Variants in NEK6 observed in about 807,000 individuals in gnomAD.
The protein encoded by NEK6 is NIMA related kinase 6.
In NEK6, 27 loss-of-function variants were observed where a neutral mutation model predicts 43.5. The observed-to-expected ratio is 0.62, with a 90% CI of 0.46 to 0.86. The LOEUF (loss-of-function observed/expected upper bound fraction) is 0.86. Among genes scored for constraint, NEK6 ranks in the 40% least tolerant of loss-of-function variants. The probability of loss-of-function intolerance (pLI) is 0.00; values close to 1 mark genes in which losing one functional copy is unlikely to be tolerated. For missense variants in NEK6, 318 were observed against 414.4 expected, an observed-to-expected ratio of 0.77 and a Z score of 2.02; for synonymous variants, 167 against 164.1, an observed-to-expected ratio of 1.02 and a Z score of -0.14.
chr9:124,263,472 T>G (rs952234020), intron 1 of NEK6, among the ~76,000 whole-genome samples: 2 of 152,292 alleles, frequency 1.3e-5, no homozygotes, highest in Admixed American at 6.5e-5. Context: ...AGGGATAATA[T>G]TATGACCTCA....
chr9:124,307,970 C>A (rs1314933580), intron 2 of NEK6, among the ~76,000 whole-genome samples: 4 of 152,202 alleles, frequency 2.6e-5, no homozygotes, highest in Non-Finnish European at 5.9e-5. Flanking sequence ...CACCACTAGG[C>A]CCATTCGACA....
chr9:124,338,261 G>A (rs773547656), intron 7 of NEK6, among the ~76,000 whole-genome samples: 7 of 152,212 alleles, frequency 4.6e-5, no homozygotes, highest in Admixed American at 6.5e-5. Context: ...GTTTACAGGC[G>A]TGAGCCACCG....
intron 1 of NEK6, chr9:124,292,934 G>A (rs1370287976): frequency 1.3e-6 from 2 of 1,557,402 alleles, no homozygotes; most frequent in East Asian, 2.4e-5. Context: ...AAGGCTGCCT[G>A]GAGGAGATGC....
At position 124,352,593 on chromosome 9, in the gene NEK6, CTCA is replaced by C. The variant is rs10611237; in HGVS notation, c.*1653_*1655del. 0.56 allele frequency: 85,396 copies of C among 151,590 alleles called. 24,614 individuals carry two copies. Among genetic ancestry groups the C allele is most frequent in the East Asian group, 0.77 (3,949 of 5,146 alleles). 9.4% of individuals were successfully genotyped at this position (151,590 alleles called of 1,614,324 possible). On this transcript the variant is annotated 3_prime_UTR_variant, in exon 10 of 10. Coordinates refer to ENST00000320246, the MANE Select transcript of NEK6 (RefSeq NM_014397.6). ...TTAAGCTCCCCAAATAATTTTGAAA[CTCA>C]TCATCAGCCGAGTTTCTGCCCTCAT...
chr9:124,286,209 A>G (rs1832152424), intron 1 of NEK6, among the ~76,000 whole-genome samples: 1 of 152,198 alleles, frequency 6.6e-6, no homozygotes, highest in Non-Finnish European at 1.5e-5. Flanking sequence ...GCCTTGTTGC[A>G]ATTCTATTCA....
intron 1 of NEK6, among the ~76,000 whole-genome samples, chr9:124,295,987 C>T (rs769771693): frequency 1.3e-5 from 2 of 152,222 alleles, no homozygotes; most frequent in East Asian, 1.9e-4. Context: ...CCGTTTCACC[C>T]GTGGATGTTG....
At chr9:124,265,231 A>G (rs1420840362) in intron 1 of NEK6, among the ~76,000 whole-genome samples, 1 of 152,240 alleles carries the variant, frequency 6.6e-6, no homozygotes, top group East Asian at 1.9e-4. Context: ...AATGTTAAAC[A>G]TAAAAGTTTT....
chr9:124,307,516 C>T (rs539701347), intron 2 of NEK6, among the ~76,000 whole-genome samples: 1 of 152,310 alleles, frequency 6.6e-6, no homozygotes, highest in South Asian at 2.1e-4. Context: ...CCCAGGCAGC[C>T]CAGGCCTTCT....
intron 4 of NEK6, among the ~76,000 whole-genome samples, chr9:124,319,779 A>G (rs1833979663): frequency 6.6e-6 from 1 of 152,138 alleles, no homozygotes; most frequent in African/African-American, 2.4e-5. Flanking sequence ...TGAGTTCTAT[A>G]TTCTGTTCCA....
chr9:124,281,487 C>CTTTTTTTTTTTTTTTTTTTTTT (rs759381068), intron 1 of NEK6, among the ~76,000 whole-genome samples: 1 of 102,926 alleles, frequency 9.7e-6, no homozygotes, highest in Non-Finnish European at 1.9e-5. Flanking sequence ...GCTGTTTTTT[C>CTTTTTTTTTTTTTTTTTTTTTT]TTTTTTTTTT....
At chr9:124,345,165 G>A (rs548754840) in intron 8 of NEK6, among the ~76,000 whole-genome samples, 8 of 152,286 alleles carry the variant, frequency 5.3e-5, no homozygotes, top group East Asian at 1.9e-4. Context: ...GAGGAGCAGC[G>A]CTGAGAGCCG....
intron 2 of NEK6, among the ~76,000 whole-genome samples, chr9:124,303,997 G>A (rs746430722): frequency 2.0e-5 from 3 of 152,230 alleles, no homozygotes; most frequent in Non-Finnish European, 4.4e-5. Flanking sequence ...ACGTCTCATC[G>A]TTCATGTTGG....
At chr9:124,285,876 T>A (rs1832134420) in intron 1 of NEK6, among the ~76,000 whole-genome samples, 1 of 152,232 alleles carries the variant, frequency 6.6e-6, no homozygotes, top group South Asian at 2.1e-4. Context: ...ATAATTTACC[T>A]GTCTCACAAG....
chr9:124,337,098 C>T (rs558963776), intron 7 of NEK6, among the ~76,000 whole-genome samples: 1 of 152,324 alleles, frequency 6.6e-6, no homozygotes, highest in African/African-American at 2.4e-5. Flanking sequence ...TTCCTGGGCT[C>T]CACTCCAGAC....
intron 1 of NEK6, among the ~76,000 whole-genome samples, chr9:124,291,424 C>A (rs928893085): frequency 2.6e-5 from 4 of 152,102 alleles, no homozygotes; most frequent in Non-Finnish European, 4.4e-5. Flanking sequence ...GTTAGGAGTT[C>A]GAGACCAGCC....
intron 1 of NEK6, among the ~76,000 whole-genome samples, chr9:124,284,274 G>C (rs1018746676): frequency 1.2e-4 from 19 of 152,248 alleles, no homozygotes; most frequent in African/African-American, 4.6e-4. Flanking sequence ...GCTTGAACTA[G>C]GGAGGCGGAG....
intron 1 of NEK6, among the ~76,000 whole-genome samples, chr9:124,294,226 C>T (rs1832570110): frequency 6.6e-6 from 1 of 152,134 alleles, no homozygotes; most frequent in Admixed American, 6.5e-5. Flanking sequence ...ATTAGCTGGG[C>T]GTGATGGTGT....
In NEK6 at chr9:124,350,834, C is replaced by T. The variant is rs779394728; in HGVS notation, c.832-3C>T. On this transcript the variant is annotated splice_region_variant and splice_polypyrimidine_tract_variant and intron_variant, in intron 9 of 9. Coordinates refer to ENST00000320246, the MANE Select transcript of NEK6 (RefSeq NM_014397.6). Reference sequence around the variant, plus strand: ...GAATAACACACCATTCTCTCCCCTGCAGTTACGAGAACTGGTCAGCATGTG... The same window carrying T: ...GAATAACACACCATTCTCTCCCCTGTAGTTACGAGAACTGGTCAGCATGTG... The T allele has an allele frequency of 3.1e-6, 5 of 1,605,278 alleles. No individual in the cohort carries two copies. The South Asian group carries it at 5.5e-5, about 18-fold the overall frequency.
chr9:124,292,305 G>C, intron 1 of NEK6: 1 of 1,387,648 alleles, frequency 7.2e-7, no homozygotes, highest in South Asian at 1.5e-5. Context: ...TTTGCCACTA[G>C]CCTGGGACAG....
Sources: allele counts gnomAD v4.1 joint callset (sites outside exome capture counted in the v4.1 genomes callset), GRCh38; gene constraint gnomAD v4.1.1; transcripts MANE v1.5; gene names NCBI Gene and HGNC (gene_info 2026-07-23, HGNC 2026-07-21).